Variants in SLC25A26 observed in about 807,000 individuals in gnomAD.
The protein encoded by SLC25A26 is mitochondrial S-adenosylmethionine carrier protein.
SLC25A26 carries 36 observed loss-of-function variants against 37.8 expected under a neutral mutation model. The ratio of observed to expected loss-of-function variants is 0.95; its 90% CI spans 0.73 to 1.26. The LOEUF (loss-of-function observed/expected upper bound fraction) is 1.26. Ranked by LOEUF, SLC25A26 falls within the 50% of genes most tolerant of loss-of-function variation. The pLI is 0.00. For synonymous variants in SLC25A26, 129 were observed against 122.5 expected, an observed-to-expected ratio of 1.05 and a Z score of -0.35; for missense variants, 390 against 331.1, an observed-to-expected ratio of 1.18 and a Z score of -1.38.
chr3:66,324,998 A>G (rs1983419), intron 5 of SLC25A26, among the ~76,000 whole-genome samples: 61,889 of 151,926 alleles, frequency 0.41, 14,469 homozygotes, highest in East Asian at 0.7. Context: ...CAAATAGTTC[A>G]AATTTTGGGC....
chr3:66,377,942 G>A lies in SLC25A26; in HGVS notation c.*135G>A. 4 of 685,000 alleles carry A rather than the reference G, an allele frequency of 5.8e-6. No homozygotes were observed. Among genetic ancestry groups the A allele is most frequent in the Admixed American group, 2.6e-5 (1 of 39,140 alleles). The allele number at this position is 685,000 out of a possible 1,614,324, so 42.4% of individuals were successfully genotyped here. ...GTGCTAAGATACCGGCATGGAGATT[G>A]TGCCATCCGTGGTATAGGCTGGCTG... On this transcript the variant is annotated 3_prime_UTR_variant, in exon 10 of 10. Coordinates refer to ENST00000354883, the MANE Select transcript of SLC25A26 (RefSeq NM_001379210.1).
chr3:66,373,028 G>T (rs1700436904), intron 9 of SLC25A26, among the ~76,000 whole-genome samples: 1 of 152,156 alleles, frequency 6.6e-6, no homozygotes, highest in African/African-American at 2.4e-5. Flanking sequence ...GCGCATATGG[G>T]AGTACACATA....
At chr3:66,217,552 C>CT (rs1305200365), upstream of SLC25A26, among the ~76,000 whole-genome samples, 1,733 of 146,156 alleles carry the variant, frequency 0.012, 30 homozygotes, top group African/African-American at 0.038. Flanking sequence ...TTTACATATA[C>CT]TTTTTTTTTT....
At chr3:66,286,540 T>C (rs1310635535) in intron 5 of SLC25A26, among the ~76,000 whole-genome samples, 1 of 152,212 alleles carries the variant, frequency 6.6e-6, no homozygotes. Context: ...GAAATATATA[T>C]ATTAAGGAAT....
At chr3:66,146,801 T>A (rs1248325734) in intron 1 of SLC25A26, among the ~76,000 whole-genome samples, 2 of 152,180 alleles carry the variant, frequency 1.3e-5, no homozygotes, top group Non-Finnish European at 2.9e-5. Context: ...GTGTACATTG[T>A]ACTCACTATG....
chr3:66,318,380 A>T (rs1559693782), intron 5 of SLC25A26, among the ~76,000 whole-genome samples: 1 of 152,170 alleles, frequency 6.6e-6, no homozygotes, highest in Non-Finnish European at 1.5e-5. Context: ...AGGGAGGGGT[A>T]GCACAATCCC....
chr3:66,261,908 T>A (rs2073542663), intron 3 of SLC25A26, 143 bp from the exon 4 acceptor site: 1 of 596,384 alleles, frequency 1.7e-6, no homozygotes, highest in Non-Finnish European at 3.0e-6. Flanking sequence ...GAGTTTTAGG[T>A]TAAAAAAAAA....
In SLC25A26 at chr3:66,230,009, G is replaced by A. The variant is rs148170904; in HGVS notation, c.34-6535G>A. 6.1e-3 allele frequency among the ~76,000 whole-genome samples: 922 copies of A among 152,316 alleles called. 11 individuals carry two copies. Among genetic ancestry groups the A allele is most frequent in the African/African-American group, 0.021 (889 of 41,570 alleles). On this transcript the variant is annotated intron_variant, in intron 1 of 9. Coordinates refer to ENST00000354883, the MANE Select transcript of SLC25A26 (RefSeq NM_001379210.1). Reference sequence around the variant, plus strand: ...AGAATAGCAGCAGATAGCTGACCCTGACTTTTGATTGTCACACATGCTGTG... The same window carrying A: ...AGAATAGCAGCAGATAGCTGACCCTAACTTTTGATTGTCACACATGCTGTG...
intron 1 of SLC25A26, among the ~76,000 whole-genome samples, chr3:66,159,198 C>A (rs1352835331): frequency 5.9e-5 from 9 of 152,222 alleles, no homozygotes; most frequent in Non-Finnish European, 1.0e-4. Flanking sequence ...CCGGCAAACA[C>A]TGGGACAGTG....
chr3:66,337,095 G>A (rs968050586), intron 5 of SLC25A26, among the ~76,000 whole-genome samples: 2 of 152,050 alleles, frequency 1.3e-5, no homozygotes, highest in East Asian at 3.9e-4. Flanking sequence ...ACATTAGCTA[G>A]GGGATCAGTT....
At chr3:66,377,608 T>G (rs1575633192) in intron 9 of SLC25A26, 82 bp from the exon 10 acceptor site, 2 of 1,089,102 alleles carry the variant, frequency 1.8e-6, no homozygotes, top group Non-Finnish European at 2.8e-6. Flanking sequence ...CATGGTGTAT[T>G]GAGCTGAGCA....
intron 1 of SLC25A26, among the ~76,000 whole-genome samples, 200 bp from the exon 2 acceptor site, chr3:66,236,344 A>G (rs946802115): frequency 1.3e-5 from 2 of 151,862 alleles, no homozygotes; most frequent in Non-Finnish European, 2.9e-5. Flanking sequence ...CAACTTAAAA[A>G]TATAGCACAA....
At chr3:66,162,518 A>T (rs1481335025) in intron 1 of SLC25A26, among the ~76,000 whole-genome samples, 1 of 152,136 alleles carries the variant, frequency 6.6e-6, no homozygotes, top group Non-Finnish European at 1.5e-5. Flanking sequence ...GCAAACTGCA[A>T]GTATTTTGAA....
At chr3:66,357,230 C>G (rs1184550070) in intron 6 of SLC25A26, among the ~76,000 whole-genome samples, 2 of 152,138 alleles carry the variant, frequency 1.3e-5, no homozygotes, top group Non-Finnish European at 2.9e-5. Context: ...CCTGGGCAAA[C>G]ATAGCAAGAT....
At chr3:66,245,883 C>G (rs560871741) in intron 3 of SLC25A26, among the ~76,000 whole-genome samples, 2 of 152,152 alleles carry the variant, frequency 1.3e-5, no homozygotes, top group Non-Finnish European at 2.9e-5. Context: ...ACCATATTCA[C>G]AGAGTTGTAC....
In SLC25A26 at chr3:66,369,359, C is replaced by G. The variant is rs74745091; in HGVS notation, c.569-119C>G. ...AGATTGTGCATGTGTGCATCCTGTT[C>G]TTCAATCAGCCAGGTGTACATAATG... On this transcript the variant is annotated intron_variant, in intron 7 of 9. Coordinates refer to ENST00000354883, the MANE Select transcript of SLC25A26 (RefSeq NM_001379210.1). 3.6e-3 allele frequency: 2,836 copies of G among 790,918 alleles called. 63 individuals carry two copies. In the African/African-American group the frequency reaches 0.043, roughly 12 times the overall value. The allele number at this position is 790,918 out of a possible 1,614,324, so 49.0% of individuals were successfully genotyped here.
chr3:66,277,607 T>C (rs1446625633), intron 5 of SLC25A26, among the ~76,000 whole-genome samples: 1 of 152,134 alleles, frequency 6.6e-6, no homozygotes, highest in East Asian at 1.9e-4. Flanking sequence ...CTTTAATATA[T>C]ATAATCTTTA....
rs1207226190 is a variant in SLC25A26 at position 66,242,069 on chromosome 3, G to T, written c.191-1134G>T. Among the ~76,000 whole-genome samples the T allele has an allele frequency of 3.3e-5, 5 of 152,292 alleles. No individual in the cohort carries two copies. In the South Asian group the frequency reaches 6.2e-4, roughly 19 times the overall value. On this transcript the variant is annotated intron_variant, in intron 2 of 9. Transcript: ENST00000354883. Reference sequence around the variant, plus strand: ...TTGGATGCCACCTGGAGGGTGGAGGGAGGTTTGGAACTTATATTCTTAAAG... The same window carrying T: ...TTGGATGCCACCTGGAGGGTGGAGGTAGGTTTGGAACTTATATTCTTAAAG...
chr3:66,245,291 G>A (rs1279389588), intron 3 of SLC25A26, among the ~76,000 whole-genome samples: 2 of 150,606 alleles, frequency 1.3e-5, no homozygotes, highest in African/African-American at 2.4e-5. Flanking sequence ...CTAATGCAGA[G>A]GAGAAATGTA....
Sources: gnomAD v4.1 joint callset for allele counts (sites outside exome capture counted in the v4.1 genomes callset) on GRCh38, gnomAD v4.1.1 for gene constraint, MANE v1.5 for transcripts, NCBI Gene and HGNC (gene_info 2026-07-23, HGNC 2026-07-21) for gene names.